The following ST8SIA1 variants were observed in gnomAD, a reference collection of about 807,000 sequenced individuals.
ST8SIA1 encodes ST8 alpha-N-acetyl-neuraminide alpha-2,8-sialyltransferase 1.
In ST8SIA1, 16 loss-of-function variants were observed where a neutral mutation model predicts 35.9. The observed-to-expected ratio is 0.45, with a 90% CI of 0.30 to 0.68. The LOEUF is 0.68. ST8SIA1 is among the 30% of genes least tolerant of loss of function. The pLI is 0.09. For missense variants in ST8SIA1, 383 were observed against 453.6 expected (o/e 0.84, Z 1.41); for synonymous variants, 170 against 169.6 (o/e 1.00, Z -0.02).
chr12:22,255,197 A>G (rs1207645913), intron 3 of ST8SIA1, 83 bp downstream of exon 3: 1 of 1,048,900 alleles, frequency 9.5e-7, no homozygotes, highest in Non-Finnish European at 1.5e-6. Flanking sequence ...ACAAGTGACT[A>G]GTTTTGAAAA....
Position 22,226,987 on chromosome 12 carries a change from G to A in ST8SIA1, c.584+22019C>T, listed in dbSNP as rs143900388. Among the ~76,000 whole-genome samples, 18 of 151,934 alleles carry A rather than the reference G, an allele frequency of 1.2e-4. No individual in the cohort carries two copies. The East Asian group carries it at 3.3e-3, about 28-fold the overall frequency. On this transcript the variant is annotated intron_variant, in intron 4 of 4. Transcript: ENST00000396037. ...TTTTGAGATGGAGTCTGGCTCTGTT[G>A]CCAGGCTGGAGTGCAGTGGCATGAT...
chr12:22,249,485 A>G lies in ST8SIA1; in HGVS notation c.492-387T>C, dbSNP rs189750413. On this transcript the variant is annotated intron_variant, in intron 3 of 4. Coordinates refer to ENST00000396037, the MANE Select transcript of ST8SIA1 (RefSeq NM_003034.4). ...TCTGCCCGCCTTGGCCTCCCAAAGTACTGGGATTACAGGCGTGAGCCACTG... is the reference window on the plus strand; with the variant it reads ...TCTGCCCGCCTTGGCCTCCCAAAGTGCTGGGATTACAGGCGTGAGCCACTG... 7.0e-3 allele frequency among the ~76,000 whole-genome samples: 1,058 copies of G among 152,130 alleles called. 13 individuals are homozygous for G. The highest frequency in any genetic ancestry group is 0.021 in the African/African-American group (889 of 41,522).
In ST8SIA1 at chr12:22,197,072, T is replaced by G. The variant is rs1329856481; in HGVS notation, c.*4480A>C. On this transcript the variant is annotated 3_prime_UTR_variant, in exon 5 of 5. Coordinates refer to ENST00000396037, the MANE Select transcript of ST8SIA1 (RefSeq NM_003034.4). ...AGTGGAATGAAGTTGCTAGTTATGTTTACTGCTGACTTTATTAGAGGTTTT... is the reference window on the plus strand; with the variant it reads ...AGTGGAATGAAGTTGCTAGTTATGTGTACTGCTGACTTTATTAGAGGTTTT... 1 of 152,238 alleles carries G rather than the reference T, an allele frequency of 6.6e-6. No individual in the cohort carries two copies. The allele number at this position is 152,238 out of a possible 1,614,324, so 9.4% of individuals were successfully genotyped here. A position where few individuals can be genotyped will look rare whatever the true frequency, so the allele number is the denominator to read the frequency against.
chr12:22,232,004 T>C (rs1865427105), intron 4 of ST8SIA1, among the ~76,000 whole-genome samples: 1 of 152,184 alleles, frequency 6.6e-6, no homozygotes. Flanking sequence ...AGGGTTATTC[T>C]CATAGGAACC....
Position 22,269,249 on chromosome 12 carries a change from GT to G in ST8SIA1, c.382-13861del, listed in dbSNP as rs536041145. Among the ~76,000 whole-genome samples the G allele has an allele frequency of 3.0e-3, 439 of 147,840 alleles. 3 individuals carry two copies. The highest frequency in any genetic ancestry group is 9.6e-3 in the African/African-American group (388 of 40,360). ...CCAGATTTAAATGAAATACAGGGTTGTTTTTTTTTTATAAGGCAGTTAGTGA... is the reference window on the plus strand; with the variant it reads ...CCAGATTTAAATGAAATACAGGGTTGTTTTTTTTTATAAGGCAGTTAGTGA... On this transcript the variant is annotated intron_variant, in intron 2 of 4. Transcript: ENST00000396037.
intron 2 of ST8SIA1, 142 bp downstream of exon 2, chr12:22,287,007 A>G (rs1240582578): frequency 2.8e-6 from 2 of 720,566 alleles, no homozygotes; most frequent in Non-Finnish European, 4.4e-6. Context: ...CACACAGATG[A>G]CAGATATAAA....
chr12:22,275,114 T>A (rs1274363000), intron 2 of ST8SIA1, among the ~76,000 whole-genome samples: 3 of 152,212 alleles, frequency 2.0e-5, no homozygotes, highest in Non-Finnish European at 4.4e-5. Flanking sequence ...ATGCTTTGGC[T>A]GGATCTTGAA....
At chr12:22,312,260 G>A (rs1866459055) in intron 1 of ST8SIA1, among the ~76,000 whole-genome samples, 1 of 152,046 alleles carries the variant, frequency 6.6e-6, no homozygotes, top group Non-Finnish European at 1.5e-5. Flanking sequence ...ATGAAGTGAA[G>A]AAAACCAAAA....
chr12:22,219,936 C>A (rs1865279211), intron 4 of ST8SIA1, among the ~76,000 whole-genome samples: 1 of 152,146 alleles, frequency 6.6e-6, no homozygotes, highest in Non-Finnish European at 1.5e-5. Context: ...CCTTTTTAAT[C>A]CATTTTCAGT....
At chr12:22,235,321 T>C (rs1865465162) in intron 4 of ST8SIA1, among the ~76,000 whole-genome samples, 1 of 152,212 alleles carries the variant, frequency 6.6e-6, no homozygotes, top group African/African-American at 2.4e-5. Context: ...CAATTAGTAA[T>C]CATTGGGACT....
At chr12:22,330,515 G>A (rs1402331101) in intron 1 of ST8SIA1, among the ~76,000 whole-genome samples, 1 of 152,016 alleles carries the variant, frequency 6.6e-6, no homozygotes, top group Non-Finnish European at 1.5e-5. Context: ...AATCCATAAG[G>A]TTTTCACTCT....
intron 1 of ST8SIA1, among the ~76,000 whole-genome samples, chr12:22,307,104 C>T (rs1866394106): frequency 6.6e-6 from 1 of 151,864 alleles, no homozygotes; most frequent in South Asian, 2.1e-4. Context: ...TTTTCTAATG[C>T]TTTGTTTGGT....
At chr12:22,320,672 C>T (rs1418301739) in intron 1 of ST8SIA1, among the ~76,000 whole-genome samples, 2 of 151,778 alleles carry the variant, frequency 1.3e-5, no homozygotes, top group Non-Finnish European at 2.9e-5. Flanking sequence ...TAGGGAGATC[C>T]CTTCTCTACA....
intron 2 of ST8SIA1, among the ~76,000 whole-genome samples, chr12:22,259,968 T>C (rs527426922): frequency 6.6e-6 from 1 of 152,146 alleles, no homozygotes; most frequent in Non-Finnish European, 1.5e-5. Flanking sequence ...TAACAGAGAA[T>C]ATTTTTATTG....
intron 2 of ST8SIA1, among the ~76,000 whole-genome samples, chr12:22,255,894 G>A (rs982462867): frequency 2.0e-5 from 3 of 152,192 alleles, no homozygotes; most frequent in African/African-American, 7.2e-5. Context: ...CACAATTTGG[G>A]ATGTGAGGAG....
At chr12:22,230,391 T>C (rs954243235) in intron 4 of ST8SIA1, among the ~76,000 whole-genome samples, 2 of 152,120 alleles carry the variant, frequency 1.3e-5, no homozygotes, top group Admixed American at 1.3e-4. Context: ...GTAGAGTCTG[T>C]TTCCCATTAG....
intron 1 of ST8SIA1, among the ~76,000 whole-genome samples, chr12:22,323,456 A>C (rs542259584): frequency 6.6e-6 from 1 of 152,348 alleles, no homozygotes; most frequent in East Asian, 1.9e-4. Flanking sequence ...ACAATTCCTC[A>C]AAGACCTAGA....
At chr12:22,238,601 G>A (rs1369090242) in intron 4 of ST8SIA1, among the ~76,000 whole-genome samples, 1 of 152,154 alleles carries the variant, frequency 6.6e-6, no homozygotes, top group Non-Finnish European at 1.5e-5. Context: ...AATTATTGCT[G>A]TTGCTGCTTA....
At chr12:22,313,158 G>A (rs564132798) in intron 1 of ST8SIA1, among the ~76,000 whole-genome samples, 153 of 152,122 alleles carry the variant, frequency 1.0e-3, no homozygotes, top group Non-Finnish European at 1.7e-3. Flanking sequence ...CTTAGTTTTC[G>A]CAACTGCACA....
Sources: allele counts gnomAD v4.1 joint callset (sites outside exome capture counted in the v4.1 genomes callset), GRCh38; gene constraint gnomAD v4.1.1; transcripts MANE v1.5; gene names NCBI Gene and HGNC (gene_info 2026-07-23, HGNC 2026-07-21).